AK8: variants seen among roughly 807,000 people sequenced by gnomAD.
AK8 encodes adenylate kinase 8.
Under a neutral mutation model 54.6 loss-of-function variants are expected in AK8, and 44 were observed. That is an observed-to-expected ratio of 0.81 (90% CI 0.63 to 1.04). The LOEUF is 1.04. AK8 is among the 50% of genes least tolerant of loss of function. The pLI is 0.00. For synonymous variants in AK8, 239 were observed against 245.6 expected, an observed-to-expected ratio of 0.97 and a Z score of 0.25; for missense variants, 555 against 613.6, an observed-to-expected ratio of 0.90 and a Z score of 1.01.
In AK8 at chr9:132,725,599, G is replaced by T; in HGVS notation, c.*89C>A. The T allele has an allele frequency of 8.1e-7, 1 of 1,227,316 alleles. No individual in the cohort carries two copies. The highest frequency in any genetic ancestry group is 1.1e-6 in the Non-Finnish European group (1 of 878,934). The allele number at this position is 1,227,316 out of a possible 1,614,324, so 76.0% of individuals were successfully genotyped here. On this transcript the variant is annotated 3_prime_UTR_variant, in exon 13 of 13. Coordinates refer to ENST00000298545, the MANE Select transcript of AK8 (RefSeq NM_152572.3). The stretch of plus-strand genomic sequence containing the variant: ...GAGACTGTATCCAGCAGGCTTTATT[G>T]GCTTTTTAGGGGAGCTGTGCCGAGG...
At chr9:132,875,294 C>T (rs1844045046) in intron 1 of AK8, 95 bp from the exon 2 acceptor site, 1 of 1,529,362 alleles carries the variant, frequency 6.5e-7, no homozygotes, top group Non-Finnish European at 8.8e-7. Context: ...CTCCACTGCA[C>T]CCCACCAAAC....
chr9:132,727,492 C>G lies in AK8; in HGVS notation c.1164G>C (p.Arg388=), dbSNP rs368966104. The G allele has an allele frequency of 8.5e-5, 137 of 1,613,930 alleles. 1 individual carries two copies. Among genetic ancestry groups the G allele is most frequent in the Non-Finnish European group, 9.3e-5 (110 of 1,179,962 alleles). The stretch of plus-strand genomic sequence containing the variant: ...CTGGATCAATTCTTCTCAGAGTCAG[C>G]CGCTCCATGATGGAATCAAATGGCA... ...LNVPFDSIME[R]LTLRRIDPVT... Residue 388 remains arginine, a synonymous_variant, in exon 12 of 13, where the codon CGG becomes CGC. Coordinates refer to ENST00000298545, the MANE Select transcript of AK8 (RefSeq NM_152572.3).
chr9:132,771,961 AGC>A (rs1166657989), intron 11 of AK8, among the ~76,000 whole-genome samples: 3 of 152,204 alleles, frequency 2.0e-5, no homozygotes, highest in African/African-American at 7.2e-5. Context: ...CAGCAGGCAA[AGC>A]GAGAGAACTT....
intron 11 of AK8, among the ~76,000 whole-genome samples, chr9:132,732,342 A>G (rs1325434996): frequency 6.6e-6 from 1 of 152,086 alleles, no homozygotes; most frequent in Non-Finnish European, 1.5e-5. Flanking sequence ...TGTATCTTCT[A>G]TGGCATTCAG....
intron 11 of AK8, among the ~76,000 whole-genome samples, chr9:132,743,878 C>G (rs1187136904): frequency 6.6e-6 from 1 of 152,168 alleles, no homozygotes; most frequent in Non-Finnish European, 1.5e-5. Context: ...ACTCCAGGGC[C>G]ATCTGAATCT....
At chr9:132,828,771 G>A (rs778863592) in intron 5 of AK8, 45 bp from the exon 6 acceptor site, 24 of 1,466,278 alleles carry the variant, frequency 1.6e-5, no homozygotes, top group Admixed American at 2.2e-5. Context: ...TTGAGTTTTA[G>A]ATTTTTTGGA....
intron 11 of AK8, among the ~76,000 whole-genome samples, chr9:132,783,518 A>C (rs933375659): frequency 6.6e-6 from 1 of 152,018 alleles, no homozygotes; most frequent in African/African-American, 2.4e-5. Context: ...GAATATATCC[A>C]TCTTGGGACC....
intron 1 of AK8, among the ~76,000 whole-genome samples, chr9:132,876,217 G>A (rs1388198628): frequency 6.6e-6 from 1 of 152,220 alleles, no homozygotes; most frequent in Non-Finnish European, 1.5e-5. Flanking sequence ...TGCCTGTTCA[G>A]TAGCACAGCT....
chr9:132,826,877 G>T lies in AK8; in HGVS notation c.734C>A (p.Pro245Gln), dbSNP rs749270554. The stretch of plus-strand genomic sequence containing the variant: ...ACCCTGGTAGAAGACGTCCACACAT[G>T]GCTGGTCAGCACTGATGACTTTGAG... ...KILKVISADQ[P>Q]CVDVFYQALT... Residue 245 changes from proline to glutamine, a missense_variant, in exon 8 of 13, where the codon CCA becomes CAA. Coordinates refer to ENST00000298545, the MANE Select transcript of AK8 (RefSeq NM_152572.3). This position sits in a 1 kb window ranked among gnomAD's most constrained non-coding sequence, Gnocchi z 4.5. The T allele has an allele frequency of 2.7e-5, 43 of 1,614,096 alleles. No homozygotes were observed. Among genetic ancestry groups the T allele is most frequent in the Non-Finnish European group, 3.6e-5 (42 of 1,180,054 alleles).
chr9:132,787,154 T>C (rs557988390), intron 11 of AK8, among the ~76,000 whole-genome samples: 1 of 151,934 alleles, frequency 6.6e-6, no homozygotes, highest in Non-Finnish European at 1.5e-5. Context: ...AGAAGCCCAG[T>C]CCTGAAGATC....
At chr9:132,788,286 GTA>G (rs1839801071) in intron 11 of AK8, among the ~76,000 whole-genome samples, 1 of 152,182 alleles carries the variant, frequency 6.6e-6, no homozygotes, top group Admixed American at 6.5e-5. Context: ...CCACAAAATT[GTA>G]TGCTTGTATC....
At position 132,846,420 on chromosome 9, in the gene AK8, T is replaced by C. The variant is rs150286369; in HGVS notation, c.402+8437A>G. ...TGTCTCTCCATGACTAGAACTTCTGTTCCTTGAGAGCAAGACGTTTAACTC... is the reference window on the plus strand; with the variant it reads ...TGTCTCTCCATGACTAGAACTTCTGCTCCTTGAGAGCAAGACGTTTAACTC... On this transcript the variant is annotated intron_variant, in intron 5 of 12. Transcript: ENST00000298545. Among the ~76,000 whole-genome samples, 5 of 152,354 alleles carry C rather than the reference T, an allele frequency of 3.3e-5. No individual in the cohort carries two copies. The East Asian group carries it at 9.6e-4, about 29-fold the overall frequency.
intron 5 of AK8, among the ~76,000 whole-genome samples, chr9:132,847,155 G>A (rs1377332053): frequency 6.6e-6 from 1 of 152,234 alleles, no homozygotes; most frequent in African/African-American, 2.4e-5. Flanking sequence ...CGGGCCGGGG[G>A]AAGAGCGGCC....
chr9:132,834,292 C>G (rs952171008), intron 5 of AK8, among the ~76,000 whole-genome samples: 1 of 152,140 alleles, frequency 6.6e-6, no homozygotes, highest in Non-Finnish European at 1.5e-5. Flanking sequence ...TCGGTGAGAA[C>G]AATGAGACTA....
At chr9:132,763,568 GCCAA>G (rs1838585476) in intron 11 of AK8, among the ~76,000 whole-genome samples, 2 of 152,182 alleles carry the variant, frequency 1.3e-5, no homozygotes, top group African/African-American at 2.4e-5. Context: ...CCAAGTTTTG[GCCAA>G]CTAAGGCAGC....
chr9:132,828,588 T>C, intron 6 of AK8, 57 bp downstream of exon 6: 2 of 1,520,634 alleles, frequency 1.3e-6, no homozygotes, highest in South Asian at 1.2e-5. Context: ...GGGCGCTCAC[T>C]GGCCACCCCT....
At chr9:132,779,740 C>G (rs1017950072) in intron 11 of AK8, among the ~76,000 whole-genome samples, 7 of 152,180 alleles carry the variant, frequency 4.6e-5, no homozygotes, top group Admixed American at 4.6e-4. Flanking sequence ...AGGAAATTGA[C>G]GTTAAATGTG....
intron 11 of AK8, among the ~76,000 whole-genome samples, chr9:132,742,502 C>A (rs935618835): frequency 3.9e-5 from 6 of 152,184 alleles, no homozygotes; most frequent in Non-Finnish European, 7.3e-5. Flanking sequence ...AGCTTTTGAA[C>A]CAAGGTCACA....
chr9:132,877,696 G>A (rs1433217378), intron 1 of AK8: 3 of 382,328 alleles, frequency 7.8e-6, no homozygotes, highest in East Asian at 7.3e-5. Context: ...CTGTCCCAGA[G>A]GCGGCCCTCT....
Sources: gnomAD v4.1 joint callset for allele counts (sites outside exome capture counted in the v4.1 genomes callset) on GRCh38, gnomAD v4.1.1 for gene constraint, Gnocchi (gnomAD v3.1) non-coding constraint, MANE v1.5 for transcripts, NCBI Gene and HGNC (gene_info 2026-07-23, HGNC 2026-07-21) for gene names.